The following EIF4E variants were observed in gnomAD, a reference collection of about 807,000 sequenced individuals.
The protein encoded by EIF4E is eukaryotic translation initiation factor 4E.
For missense variants in EIF4E, 113 were observed against 265.6 expected (o/e 0.43, Z 3.99); for synonymous variants, 71 against 88.5 (o/e 0.80, Z 1.11).
intron 1 of EIF4E, among the ~76,000 whole-genome samples, chr4:98,922,312 C>T (rs113379460): frequency 0.012 from 1,783 of 152,254 alleles, 13 homozygotes; most frequent in Non-Finnish European, 0.018. Context: ...AATCCCAGCA[C>T]TTTGGGAGGC....
chr4:98,888,405 T>A (rs977625243), intron 3 of EIF4E, among the ~76,000 whole-genome samples: 3 of 152,158 alleles, frequency 2.0e-5, no homozygotes, highest in African/African-American at 4.8e-5. Flanking sequence ...ACAGTCATTA[T>A]CCTTGAAGGT....
chr4:98,893,527 C>T (rs1234976475), intron 2 of EIF4E, among the ~76,000 whole-genome samples: 8 of 152,204 alleles, frequency 5.3e-5, no homozygotes, highest in Non-Finnish European at 1.2e-4. Context: ...AGCATCTTCA[C>T]CAGGAATAGA....
At chr4:98,905,082 T>A (rs114023720) in intron 1 of EIF4E, among the ~76,000 whole-genome samples, 11 of 152,244 alleles carry the variant, frequency 7.2e-5, no homozygotes, top group Non-Finnish European at 1.5e-4. Context: ...TAAATAGTTT[T>A]AAGTTTACAT....
intron 1 of EIF4E, among the ~76,000 whole-genome samples, chr4:98,916,285 A>AC (rs1240387357): frequency 9.4e-6 from 1 of 106,098 alleles, no homozygotes; most frequent in African/African-American, 5.0e-5. Context: ...CATTCAGAGG[A>AC]CAAAAAAAAA....
chr4:98,902,260 C>T (rs1373653833), intron 1 of EIF4E, among the ~76,000 whole-genome samples: 10 of 152,160 alleles, frequency 6.6e-5, no homozygotes, highest in African/African-American at 1.7e-4. Context: ...TTAGTAGAGA[C>T]GGGGTTTCAC....
At chr4:98,921,278 A>T (rs1725635960) in intron 1 of EIF4E, among the ~76,000 whole-genome samples, 1 of 152,206 alleles carries the variant, frequency 6.6e-6, no homozygotes, top group South Asian at 2.1e-4. Flanking sequence ...TTCTGACCAG[A>T]TTTTGTGCCA....
chr4:98,884,869 T>C lies in EIF4E; in HGVS notation c.539+53A>G, dbSNP rs1343579627. 5.0e-6 allele frequency: 8 copies of C among 1,602,862 alleles called. No homozygotes were observed. The African/African-American group carries it at 6.7e-5, about 13-fold the overall frequency. On this transcript the variant is annotated intron_variant, in intron 6 of 6. Coordinates refer to ENST00000450253, the MANE Select transcript of EIF4E (RefSeq NM_001968.5). ...CTAAAGCTACAAATAAAATAACTTCTGGTTTTACTCATCTTAATACTGTAA... is the reference window on the plus strand; with the variant it reads ...CTAAAGCTACAAATAAAATAACTTCCGGTTTTACTCATCTTAATACTGTAA...
intron 2 of EIF4E, among the ~76,000 whole-genome samples, chr4:98,900,696 T>C (rs1203507550): frequency 6.6e-6 from 1 of 152,184 alleles, no homozygotes; most frequent in East Asian, 1.9e-4. Flanking sequence ...CAGCATTCAG[T>C]GAACTCAAGT....
intron 2 of EIF4E, among the ~76,000 whole-genome samples, chr4:98,894,275 C>A (rs1489998345): frequency 1.3e-5 from 2 of 152,208 alleles, no homozygotes; most frequent in Non-Finnish European, 2.9e-5. Context: ...CTGCAAGATC[C>A]CCTAACAAGA....
At chr4:98,914,492 C>CA (rs1304371964) in intron 1 of EIF4E, among the ~76,000 whole-genome samples, 1 of 145,840 alleles carries the variant, frequency 6.9e-6, no homozygotes, top group Non-Finnish European at 1.5e-5. Flanking sequence ...AATGAGTTAT[C>CA]AAGCCATAAA....
At chr4:98,919,549 ATTCTTT>A in intron 1 of EIF4E, among the ~76,000 whole-genome samples, 1 of 148,742 alleles carries the variant, frequency 6.7e-6, no homozygotes, top group South Asian at 2.1e-4. Flanking sequence ...GAATTTCTAG[ATTCTTT>A]TTCTTTTTTT....
intron 1 of EIF4E, chr4:98,928,849 A>G (rs1202015108): frequency 1.3e-6 from 2 of 1,535,710 alleles, no homozygotes; most frequent in Non-Finnish European, 1.8e-6. Context: ...AGGAGGCGCC[A>G]CGCCGCCCCT....
chr4:98,920,756 C>T (rs1579185662), intron 1 of EIF4E, among the ~76,000 whole-genome samples: 1 of 152,194 alleles, frequency 6.6e-6, no homozygotes, highest in Non-Finnish European at 1.5e-5. Flanking sequence ...CAATCCACAA[C>T]ATGGTAACAA....
intron 1 of EIF4E, chr4:98,909,986 A>G (rs532303259): frequency 2.1e-6 from 1 of 471,878 alleles, no homozygotes; most frequent in Non-Finnish European, 3.7e-6. Context: ...AGTATAATTA[A>G]TTAACTAGTA....
intron 2 of EIF4E, among the ~76,000 whole-genome samples, chr4:98,896,897 G>T (rs1463489305): frequency 6.6e-6 from 1 of 152,104 alleles, no homozygotes; most frequent in Non-Finnish European, 1.5e-5. Context: ...GGTGAAGGCT[G>T]CAGTGAGCCG....
intron 1 of EIF4E, among the ~76,000 whole-genome samples, chr4:98,903,046 A>G (rs1579166713): frequency 6.6e-6 from 1 of 152,208 alleles, no homozygotes; most frequent in African/African-American, 2.4e-5. Flanking sequence ...AGACAAAATT[A>G]ACACTGTCAT....
chr4:98,923,952 G>A (rs1170305264), intron 1 of EIF4E, among the ~76,000 whole-genome samples: 1 of 152,138 alleles, frequency 6.6e-6, no homozygotes, highest in Non-Finnish European at 1.5e-5. Flanking sequence ...AGAAATTTCA[G>A]TCTTCAAGAT....
chr4:98,892,673 C>T (rs913926735), intron 2 of EIF4E, among the ~76,000 whole-genome samples: 2 of 117,796 alleles, frequency 1.7e-5, no homozygotes, highest in Non-Finnish European at 3.2e-5. Flanking sequence ...CAGAGGGAAA[C>T]TCTGTCTCAA....
rs945492516 is a variant in EIF4E at position 98,896,013 on chromosome 4, C to T, written c.126-4681G>A. Among the ~76,000 whole-genome samples, 8 of 135,900 alleles carry T rather than the reference C, an allele frequency of 5.9e-5. No individual in the cohort carries two copies. In the South Asian group the frequency reaches 1.4e-3, roughly 23 times the overall value. 89.2% of individuals were successfully genotyped at this position (135,900 alleles called of 152,430 possible). ...GAGATCGAGACCATCCTGGCCAACA[C>T]GGTGAAACCCCGTCTCTACTAAAAA... On this transcript the variant is annotated intron_variant, in intron 2 of 6. Transcript: ENST00000450253.
Sources: allele counts gnomAD v4.1 joint callset (sites outside exome capture counted in the v4.1 genomes callset), GRCh38; gene constraint gnomAD v4.1.1; transcripts MANE v1.5; gene names NCBI Gene and HGNC (gene_info 2026-07-23, HGNC 2026-07-21).